Variants in TBC1D23 observed in about 807,000 individuals in gnomAD.
The protein encoded by TBC1D23 is HCV non-structural protein 4A-transactivated protein 1.
In TBC1D23, 55 loss-of-function variants were observed where a neutral mutation model predicts 91.4. That is an observed-to-expected ratio of 0.60 (90% CI 0.48 to 0.75). TBC1D23 has a LOEUF of 0.75. TBC1D23 is among the 30% of genes least tolerant of loss of function. TBC1D23 has a pLI of 0.00. For missense variants in TBC1D23, 725 were observed against 836.1 expected, an observed-to-expected ratio of 0.87 and a Z score of 1.64; for synonymous variants, 289 against 281.0, an observed-to-expected ratio of 1.03 and a Z score of -0.28.
intron 1 of TBC1D23, among the ~76,000 whole-genome samples, chr3:100,274,024 GAA>G (rs1159742657): frequency 1.3e-5 from 2 of 152,076 alleles, no homozygotes; most frequent in African/African-American, 2.4e-5. Context: ...ATGAGAAACT[GAA>G]AAGTGATTCA....
At chr3:100,279,995 G>T (rs954710411) in intron 2 of TBC1D23, among the ~76,000 whole-genome samples, 11 of 152,162 alleles carry the variant, frequency 7.2e-5, no homozygotes, top group African/African-American at 2.4e-4. Context: ...TAGAAATGGT[G>T]TTTATGGGGC....
At chr3:100,282,465 G>A (rs1021851857) in intron 3 of TBC1D23, among the ~76,000 whole-genome samples, 2 of 152,156 alleles carry the variant, frequency 1.3e-5, no homozygotes, top group Non-Finnish European at 2.9e-5. Context: ...GGGGAGCTTT[G>A]TTCCAAAAGT....
chr3:100,315,952 C>G (rs1705736180), intron 15 of TBC1D23, 147 bp from the exon 16 acceptor site: 1 of 634,464 alleles, frequency 1.6e-6, no homozygotes, highest in African/African-American at 1.8e-5. Flanking sequence ...TAACATAGCT[C>G]TCCTAAAACT....
At chr3:100,292,598 G>T (rs2067801227) in intron 5 of TBC1D23, among the ~76,000 whole-genome samples, 1 of 152,022 alleles carries the variant, frequency 6.6e-6, no homozygotes. Context: ...AGTCTTGTCA[G>T]TTTTTTGTTT....
intron 4 of TBC1D23, among the ~76,000 whole-genome samples, chr3:100,290,035 C>G (rs1241931795): frequency 6.6e-6 from 1 of 152,174 alleles, no homozygotes; most frequent in Non-Finnish European, 1.5e-5. Flanking sequence ...AGAAGTAGGA[C>G]AGTTATTGAA....
At chr3:100,315,939 C>T in intron 15 of TBC1D23, 160 bp from the exon 16 acceptor site, 2 of 592,090 alleles carry the variant, frequency 3.4e-6, no homozygotes, top group Non-Finnish European at 6.0e-6. Context: ...CTTTTAATTT[C>T]CTTAACATAG....
Position 100,323,654 on chromosome 3 carries a change from G to T in TBC1D23, c.2086G>T (p.Ala696Ser). Residue 696 changes from alanine to serine, a missense_variant, in exon 19 of 19, where the codon GCT (alanine) becomes TCT (serine). Ala to Ser is a moderately conservative substitution (Grantham distance 99, BLOSUM62 1). Coordinates refer to ENST00000394144, the MANE Select transcript of TBC1D23 (RefSeq NM_001199198.3). ...IKQQIMKVLD[A>S]LES ...ACAGCAGATCATGAAAGTTTTGGAT[G>T]CTTTGGAAAGTTAATATAAAAGAAA... is the stretch of plus-strand genomic sequence containing the variant. 6.6e-7 allele frequency: 1 copy of T among 1,520,186 alleles called. No homozygotes were observed. The highest frequency in any genetic ancestry group is 1.3e-5 in the South Asian group (1 of 74,370). 94.2% of individuals were successfully genotyped at this position (1,520,186 alleles called of 1,614,324 possible).
chr3:100,274,375 A>T (rs2067627563), intron 1 of TBC1D23, among the ~76,000 whole-genome samples: 2 of 152,196 alleles, frequency 1.3e-5, no homozygotes, highest in Non-Finnish European at 2.9e-5. Flanking sequence ...CAAATTTATG[A>T]ATTTTTATAA....
At chr3:100,294,671 C>T (rs1225325296) in intron 5 of TBC1D23, among the ~76,000 whole-genome samples, 1 of 152,104 alleles carries the variant, frequency 6.6e-6, no homozygotes, top group Non-Finnish European at 1.5e-5. Flanking sequence ...CTCACAATTA[C>T]CTTGTAATTT....
chr3:100,275,693 C>T (rs1185819093), intron 1 of TBC1D23, among the ~76,000 whole-genome samples: 4 of 152,034 alleles, frequency 2.6e-5, no homozygotes, highest in African/African-American at 9.7e-5. Context: ...TACACTTAAC[C>T]AGTTGAACTA....
intron 1 of TBC1D23, among the ~76,000 whole-genome samples, chr3:100,275,146 C>G (rs947628371): frequency 1.3e-5 from 2 of 152,172 alleles, no homozygotes; most frequent in African/African-American, 4.8e-5. Flanking sequence ...TTTCCACTAA[C>G]TGTACACAAG....
chr3:100,296,422 CTG>C (rs1039592527), intron 8 of TBC1D23, 147 bp downstream of exon 8: 9 of 525,250 alleles, frequency 1.7e-5, no homozygotes, highest in Non-Finnish European at 2.4e-5. Context: ...TTTTTCATCT[CTG>C]TAAATACCCT....
chr3:100,299,580 G>A (rs1705379788), intron 10 of TBC1D23, among the ~76,000 whole-genome samples: 1 of 152,160 alleles, frequency 6.6e-6, no homozygotes, highest in African/African-American at 2.4e-5. Flanking sequence ...TGCGATCTCG[G>A]CTCACTGCAA....
intron 13 of TBC1D23, among the ~76,000 whole-genome samples, chr3:100,309,055 C>G (rs1705570071): frequency 6.6e-6 from 1 of 152,122 alleles, no homozygotes; most frequent in African/African-American, 2.4e-5. Flanking sequence ...TGCCTATAAT[C>G]CCAGCTATTC....
chr3:100,262,896 A>C (rs1012704960), intron 1 of TBC1D23, among the ~76,000 whole-genome samples: 7 of 152,086 alleles, frequency 4.6e-5, no homozygotes, highest in Admixed American at 1.3e-4. Flanking sequence ...TTATATTTCA[A>C]TTTGGTCTAG....
In TBC1D23 at chr3:100,309,610, CTT is replaced by C. The variant is rs71132518; in HGVS notation, c.1414-775_1414-774del. Among the ~76,000 whole-genome samples, 849 of 116,094 alleles carry C rather than the reference CTT, an allele frequency of 7.3e-3. 10 individuals carry two copies. Among genetic ancestry groups the C allele is most frequent in the African/African-American group, 0.026 (805 of 31,404 alleles). 76.2% of individuals were successfully genotyped at this position (116,094 alleles called of 152,430 possible). A position where few individuals can be genotyped will look rare whatever the true frequency, so the allele number is the denominator to read the frequency against. On this transcript the variant is annotated intron_variant, in intron 13 of 18. Transcript: ENST00000394144. ...TATCCTAAATTTTTTATTCTACCTT[CTT>C]TTTTTTTTTTTTTTTTTGAGACAGC...
At chr3:100,314,478 C>T (rs1166615036) in intron 15 of TBC1D23, among the ~76,000 whole-genome samples, 3 of 151,970 alleles carry the variant, frequency 2.0e-5, no homozygotes, top group Admixed American at 2.0e-4. Context: ...GAATTCTAAA[C>T]CTAAGTAAAG....
chr3:100,323,534 C>T (rs920898929), intron 18 of TBC1D23, 53 bp from the exon 19 acceptor site: 33 of 881,748 alleles, frequency 3.7e-5, no homozygotes, highest in Non-Finnish European at 4.9e-5. Flanking sequence ...TTTTTATATA[C>T]ATATACATAT....
Position 100,296,205 on chromosome 3 carries a change from T to C in TBC1D23, c.806T>C (p.Ile269Thr), listed in dbSNP as rs1030812618. The C allele has an allele frequency of 6.3e-7, 1 of 1,599,888 alleles. No homozygotes were observed. The highest frequency in any genetic ancestry group is 8.5e-7 in the Non-Finnish European group (1 of 1,173,286). Reference protein sequence around the residue: ...FLENTPSSLNIEDIEDLFSLA... With the variant: ...FLENTPSSLNTEDIEDLFSLA... The stretch of plus-strand genomic sequence containing the variant: ...GAAAATACTCCATCCAGTCTGAATA[T>C]AGAAGATATAGAAGACCTTTTCTCT... The change falls in exon 8 of 19, where the codon ATA becomes ACA. Residue 269 changes from isoleucine to threonine, a missense_variant. Physicochemically the swap from Ile to Thr is moderately conservative, Grantham distance 89. Coordinates refer to ENST00000394144, the MANE Select transcript of TBC1D23 (RefSeq NM_001199198.3).
Sources: allele counts gnomAD v4.1 joint callset (sites outside exome capture counted in the v4.1 genomes callset), GRCh38; gene constraint gnomAD v4.1.1; transcripts MANE v1.5; gene names NCBI Gene and HGNC (gene_info 2026-07-23, HGNC 2026-07-21).